The following FHIT variants were observed in gnomAD, a reference collection of about 807,000 sequenced individuals.
FHIT encodes the protein bis(5'-adenosyl)-triphosphatase.
Under a neutral mutation model 17.9 loss-of-function variants are expected in FHIT, and 19 were observed. The observed-to-expected ratio is 1.06, with a 90% CI of 0.74 to 1.56. FHIT has a LOEUF of 1.56. FHIT is among the 40% of genes most tolerant of loss of function. The pLI is 0.00. For missense variants in FHIT, 248 were observed against 189.2 expected (o/e 1.31, Z -1.82); for synonymous variants, 81 against 69.7 (o/e 1.16, Z -0.81).
In FHIT at chr3:60,124,576, A is replaced by G. The variant is rs149564303; in HGVS notation, c.104-110424T>C. 3.1e-3 allele frequency among the ~76,000 whole-genome samples: 474 copies of G among 152,264 alleles called. 3 individuals carry two copies. Among genetic ancestry groups the G allele is most frequent in the African/African-American group, 0.011 (439 of 41,570 alleles). On this transcript the variant is annotated intron_variant, in intron 5 of 9. Transcript: ENST00000492590. The stretch of plus-strand genomic sequence containing the variant: ...AGTGCTTCCCCTTGTTCTATACACT[A>G]TATCAATATAAGTTGTTAGACTGCA...
At position 59,747,969 on chromosome 3, in the gene FHIT, T is replaced by C. The variant is rs767441718; in HGVS notation, c.*1616A>G. ...ATCTACATTGAATCTCTCAGTAGGT[T>C]ATTCTCTTTAATCCTTCTGAATATG... is the stretch of plus-strand genomic sequence containing the variant. On this transcript the variant is annotated 3_prime_UTR_variant, in exon 10 of 10. Transcript: ENST00000492590. Among the ~76,000 whole-genome samples the C allele has an allele frequency of 5.9e-5, 9 of 152,162 alleles. No homozygotes were observed. The highest frequency in any genetic ancestry group is 1.3e-4 in the Non-Finnish European group (9 of 68,028).
intron 3 of FHIT, among the ~76,000 whole-genome samples, chr3:61,001,693 G>A (rs996482376): frequency 6.6e-6 from 1 of 152,180 alleles, no homozygotes; most frequent in African/African-American, 2.4e-5. Context: ...GGTAGCATGA[G>A]GGAGTCTCTG....
intron 5 of FHIT, among the ~76,000 whole-genome samples, chr3:60,134,200 T>C (rs918900709): frequency 1.3e-5 from 2 of 152,032 alleles, no homozygotes; most frequent in Admixed American, 6.6e-5. Flanking sequence ...CCTAATGGAG[T>C]TGGGCCAAGG....
At chr3:61,065,077 C>A (rs1244638902) in intron 2 of FHIT, among the ~76,000 whole-genome samples, 1 of 152,102 alleles carries the variant, frequency 6.6e-6, no homozygotes, top group African/African-American at 2.4e-5. Context: ...ATTATATAGA[C>A]TGATTGGGTA....
At chr3:61,129,284 C>T (rs868251253) in intron 2 of FHIT, among the ~76,000 whole-genome samples, 84 of 152,116 alleles carry the variant, frequency 5.5e-4, no homozygotes, top group African/African-American at 1.7e-3. Flanking sequence ...TCCTAATTGT[C>T]GACATGAGAA....
chr3:60,044,312 A>C (rs1701562492), intron 5 of FHIT, among the ~76,000 whole-genome samples: 1 of 152,218 alleles, frequency 6.6e-6, no homozygotes. Flanking sequence ...ATTAACCGTT[A>C]CCCATTAGTA....
rs531128092 is a variant in FHIT at position 60,665,187 on chromosome 3, G to A, written c.-17-128208C>T. 4.6e-5 allele frequency among the ~76,000 whole-genome samples: 7 copies of A among 151,888 alleles called. No homozygotes were observed. The South Asian group carries it at 1.5e-3, about 32-fold the overall frequency. On this transcript the variant is annotated intron_variant, in intron 4 of 9. Transcript: ENST00000492590. Reference sequence around the variant, plus strand: ...AAAAATTTGCTAAGCATTTTTTATGGCCTATGATATGATCTATTTTGGTGA... The same window carrying A: ...AAAAATTTGCTAAGCATTTTTTATGACCTATGATATGATCTATTTTGGTGA...
intron 8 of FHIT, among the ~76,000 whole-genome samples, chr3:59,904,221 C>T (rs1575671338): frequency 9.7e-6 from 1 of 103,212 alleles, no homozygotes; most frequent in South Asian, 3.5e-4. Flanking sequence ...ACCATAAAAT[C>T]ATGGTTAAAA....
At chr3:60,388,982 C>T (rs568489310) in intron 5 of FHIT, among the ~76,000 whole-genome samples, 11 of 152,316 alleles carry the variant, frequency 7.2e-5, no homozygotes, top group East Asian at 5.8e-4. Flanking sequence ...TCCAGCACCA[C>T]CCTGCCTACT....
chr3:60,830,640 G>A (rs1702297240), intron 3 of FHIT, among the ~76,000 whole-genome samples: 1 of 152,106 alleles, frequency 6.6e-6, no homozygotes, highest in Non-Finnish European at 1.5e-5. Context: ...CAGTTATTTT[G>A]GAAAAACTAT....
intron 5 of FHIT, among the ~76,000 whole-genome samples, chr3:60,380,737 T>C (rs1237662491): frequency 1.3e-5 from 2 of 152,216 alleles, no homozygotes; most frequent in Non-Finnish European, 2.9e-5. Context: ...TTATTATCAT[T>C]ACCAGTTTCT....
Position 60,378,244 on chromosome 3 carries a change from C to T in FHIT, c.103+158616G>A, listed in dbSNP as rs376323486. Among the ~76,000 whole-genome samples the T allele has an allele frequency of 5.3e-5, 8 of 151,960 alleles. No individual in the cohort carries two copies. The East Asian group carries it at 1.4e-3, about 26-fold the overall frequency. ...GGTTTCACCATTCACAGGATGATCTCGATCTCCTGACCTCGTGATCCGCCC... is the reference window on the plus strand; with the variant it reads ...GGTTTCACCATTCACAGGATGATCTTGATCTCCTGACCTCGTGATCCGCCC... On this transcript the variant is annotated intron_variant, in intron 5 of 9. Coordinates refer to ENST00000492590, the MANE Select transcript of FHIT (RefSeq NM_002012.4).
intron 4 of FHIT, among the ~76,000 whole-genome samples, chr3:60,774,045 T>A (rs114256018): frequency 6.6e-6 from 1 of 152,316 alleles, no homozygotes; most frequent in African/African-American, 2.4e-5. Context: ...TTAAGGAAGA[T>A]ACGAAAATGG....
chr3:59,844,404 A>G (rs1384432545), intron 8 of FHIT, among the ~76,000 whole-genome samples: 1 of 152,070 alleles, frequency 6.6e-6, no homozygotes, highest in Non-Finnish European at 1.5e-5. Context: ...GTCTTTCGTC[A>G]CTGAACATGA....
At chr3:59,928,570 A>G (rs923346221) in intron 7 of FHIT, among the ~76,000 whole-genome samples, 1 of 152,242 alleles carries the variant, frequency 6.6e-6, no homozygotes, top group African/African-American at 2.4e-5. Context: ...TCCTAAGTAA[A>G]ATGGGCAAAG....
Position 60,919,399 on chromosome 3 carries a change from G to GTTT in FHIT, c.-110-97391_-110-97389dup, listed in dbSNP as rs5849401. Among the ~76,000 whole-genome samples the GTTT allele has an allele frequency of 4.4e-4, 63 of 144,464 alleles. 1 individual carries two copies. Among genetic ancestry groups the GTTT allele is most frequent in the African/African-American group, 1.0e-3 (40 of 39,662 alleles). The allele number at this position is 144,464 out of a possible 152,430, so 94.8% of individuals were successfully genotyped here. A position where few individuals can be genotyped will look rare whatever the true frequency, so the allele number is the denominator to read the frequency against. On this transcript the variant is annotated intron_variant, in intron 3 of 9. Coordinates refer to ENST00000492590, the MANE Select transcript of FHIT (RefSeq NM_002012.4). The stretch of plus-strand genomic sequence containing the variant: ...TTACAAAAGCACAATCACAACCACA[G>GTTT]TTTTTTTTTTTTTTTAAAGCTGTCT...
At chr3:60,981,208 C>T (rs1279834645) in intron 3 of FHIT, among the ~76,000 whole-genome samples, 1 of 152,180 alleles carries the variant, frequency 6.6e-6, no homozygotes, top group East Asian at 1.9e-4. Flanking sequence ...CCCTCTACTG[C>T]CTGGGTTGAA....
intron 5 of FHIT, among the ~76,000 whole-genome samples, chr3:60,150,884 A>C (rs917624218): frequency 6.6e-6 from 1 of 151,888 alleles, no homozygotes; most frequent in Non-Finnish European, 1.5e-5. Context: ...GTGCCACTGC[A>C]CTACAGCCTG....
chr3:60,915,072 T>C (rs1486530457), intron 3 of FHIT, among the ~76,000 whole-genome samples: 2 of 152,232 alleles, frequency 1.3e-5, no homozygotes, highest in Non-Finnish European at 2.9e-5. Flanking sequence ...CAGATTCATG[T>C]ATAATGACTT....
Sources: gnomAD v4.1 joint callset for allele counts (sites outside exome capture counted in the v4.1 genomes callset) on GRCh38, gnomAD v4.1.1 for gene constraint, MANE v1.5 for transcripts, NCBI Gene and HGNC (gene_info 2026-07-23, HGNC 2026-07-21) for gene names.